The following SPTBN1 variants were observed in gnomAD, a reference collection of about 807,000 sequenced individuals.
SPTBN1 encodes the protein spectrin beta, non-erythrocytic 1.
SPTBN1 carries 32 observed loss-of-function variants against 266.4 expected under a neutral mutation model. That is an observed-to-expected ratio of 0.12 (90% CI 0.09 to 0.16). The LOEUF (loss-of-function observed/expected upper bound fraction) is 0.16, where lower values mean the gene tolerates loss of function less well. SPTBN1 is among the 10% of genes least tolerant of loss of function. SPTBN1 has a pLI of 1.00. For missense variants in SPTBN1, 2,296 were observed against 3,067.1 expected (o/e 0.75, Z 5.94); for synonymous variants, 1,336 against 1,162.2 (o/e 1.15, Z -3.04).
intron 2 of SPTBN1, among the ~76,000 whole-genome samples, chr2:54,556,152 C>T (rs576669834): frequency 6.6e-6 from 1 of 152,360 alleles, no homozygotes; most frequent in African/African-American, 2.4e-5. Flanking sequence ...TTTACCTCCT[C>T]CCCACTTCTG....
intron 1 of SPTBN1, among the ~76,000 whole-genome samples, chr2:54,495,098 C>G (rs1468738135): frequency 1.3e-5 from 2 of 151,978 alleles, no homozygotes; most frequent in Non-Finnish European, 2.9e-5. Context: ...TGAAGACCCC[C>G]TGGAGGAGGT....
In SPTBN1 at chr2:54,645,800, C is replaced by G. The variant is rs1679890195; in HGVS notation, c.4495-128C>G. The G allele has an allele frequency of 1.0e-6, 1 of 976,328 alleles. No homozygotes were observed. The highest frequency in any genetic ancestry group is 1.6e-5 in the African/African-American group (1 of 61,870). The allele number at this position is 976,328 out of a possible 1,614,324, so 60.5% of individuals were successfully genotyped here. Reference sequence around the variant, plus strand: ...AACAAGGGCGTGCTTCCCCAGACAGCCCTCCCGAGGGGGCTGAGCACTCTC... The same window carrying G: ...AACAAGGGCGTGCTTCCCCAGACAGGCCTCCCGAGGGGGCTGAGCACTCTC... On this transcript the variant is annotated intron_variant, in intron 21 of 35. Transcript: ENST00000356805. The surrounding 1 kb of genome is among the most constrained non-coding windows in gnomAD (Gnocchi z 4.3).
At chr2:54,620,043 T>G (rs1264923974) in intron 7 of SPTBN1, among the ~76,000 whole-genome samples, 2 of 152,248 alleles carry the variant, frequency 1.3e-5, no homozygotes, top group African/African-American at 4.8e-5. Flanking sequence ...AGTTGAGTGC[T>G]TACTCAATAT....
chr2:54,627,163 A>G (rs1229208596), intron 12 of SPTBN1, among the ~76,000 whole-genome samples: 2 of 152,188 alleles, frequency 1.3e-5, no homozygotes, highest in African/African-American at 4.8e-5. Context: ...CAGAGGGGCA[A>G]AGTCATCTGA....
intron 2 of SPTBN1, chr2:54,529,805 A>T: frequency 5.2e-6 from 3 of 572,336 alleles, no homozygotes; most frequent in South Asian, 2.8e-5. Flanking sequence ...GGGATCATCC[A>T]AACTGAGTCC....
At chr2:54,509,041 T>A (rs1297036883) in intron 1 of SPTBN1, among the ~76,000 whole-genome samples, 1 of 152,170 alleles carries the variant, frequency 6.6e-6, no homozygotes, top group African/African-American at 2.4e-5. Flanking sequence ...GGCAGTGAGT[T>A]CAGCTTGCTG....
At chr2:54,549,547 C>T (rs1672448845) in intron 2 of SPTBN1, among the ~76,000 whole-genome samples, 1 of 152,156 alleles carries the variant, frequency 6.6e-6, no homozygotes, top group African/African-American at 2.4e-5. Flanking sequence ...GGAGTGTGCC[C>T]TTCACTTCTC....
At chr2:54,548,459 C>T (rs1056474948) in intron 2 of SPTBN1, among the ~76,000 whole-genome samples, 1 of 152,166 alleles carries the variant, frequency 6.6e-6, no homozygotes, top group South Asian at 2.1e-4. Flanking sequence ...TCAGGACAGG[C>T]CTTTTGGCTC....
At chr2:54,588,076 T>C (rs1675406758) in intron 2 of SPTBN1, among the ~76,000 whole-genome samples, 1 of 152,208 alleles carries the variant, frequency 6.6e-6, no homozygotes, top group Non-Finnish European at 1.5e-5. Flanking sequence ...AGTATTATTA[T>C]ATTGAAATGT....
intron 17 of SPTBN1, among the ~76,000 whole-genome samples, chr2:54,637,460 T>A (rs1422452830): frequency 6.6e-6 from 1 of 152,184 alleles, no homozygotes; most frequent in Non-Finnish European, 1.5e-5. Context: ...AGCAACAAAT[T>A]TGTATAGATC....
chr2:54,664,919 CT>C lies in SPTBN1; in HGVS notation c.6659+231del. Reference sequence around the variant, plus strand: ...TTTGGATGGGAGTAGCTAGAAGGGGCTTTAGTAGTTCATCTAGAGAAGGAAT... The same window carrying C: ...TTTGGATGGGAGTAGCTAGAAGGGGCTTAGTAGTTCATCTAGAGAAGGAAT... On this transcript the variant is annotated intron_variant, in intron 33 of 35. Transcript: ENST00000356805. This position sits in a 1 kb window ranked among gnomAD's most constrained non-coding sequence, Gnocchi z 5.6. The C allele has an allele frequency of 3.8e-6, 2 of 526,358 alleles. No homozygotes were observed. Among genetic ancestry groups the C allele is most frequent in the Non-Finnish European group, 6.8e-6 (2 of 294,734 alleles). The allele number at this position is 526,358 out of a possible 1,614,324, so 32.6% of individuals were successfully genotyped here. A position where few individuals can be genotyped will look rare whatever the true frequency, so the allele number is the denominator to read the frequency against.
intron 29 of SPTBN1, 34 bp downstream of exon 29, chr2:54,656,032 G>C (rs1572766516): frequency 6.4e-7 from 1 of 1,550,506 alleles, no homozygotes; most frequent in South Asian, 1.1e-5. Flanking sequence ...GCTCTTTTGG[G>C]TATCAATGGA....
At chr2:54,484,524 A>G (rs2103959205) in intron 1 of SPTBN1, among the ~76,000 whole-genome samples, 2 of 152,346 alleles carry the variant, frequency 1.3e-5, no homozygotes, top group Admixed American at 1.3e-4. Context: ...GAACAGGAAT[A>G]TGGGAAGCTG....
rs908045569 is a variant in SPTBN1 at position 54,592,959 on chromosome 2, C to G, written c.149-6133C>G. ...CTACCTAATAGTTTGCTGTGAAGAT[C>G]TAGTGAGCTTAGAGAAAGTATGAAG... On this transcript the variant is annotated intron_variant, in intron 2 of 35. Coordinates refer to ENST00000356805, the MANE Select transcript of SPTBN1 (RefSeq NM_003128.3). Among the ~76,000 whole-genome samples, 10 of 152,256 alleles carry G rather than the reference C, an allele frequency of 6.6e-5. No homozygotes were observed. In the South Asian group the frequency reaches 1.0e-3, roughly 16 times the overall value.
rs1365569140 is a variant in SPTBN1, at chr2:54,631,739, A to AT, written c.3564+137dup. The AT allele has an allele frequency of 3.0e-3, 3,595 of 1,218,084 alleles. 24 individuals are homozygous for AT. The highest frequency in any genetic ancestry group is 0.025 in the African/African-American group (1,654 of 65,890). 75.5% of individuals were successfully genotyped at this position (1,218,084 alleles called of 1,614,324 possible). On this transcript the variant is annotated intron_variant, in intron 16 of 35. Transcript: ENST00000356805. ...AATTATATGGATAATTTAGAGACTG[A>AT]TTTTTTTTTCCCCATACTCTTAAGG...
intron 2 of SPTBN1, among the ~76,000 whole-genome samples, chr2:54,595,436 G>A (rs929641067): frequency 9.2e-5 from 14 of 152,334 alleles, no homozygotes; most frequent in African/African-American, 3.4e-4. Context: ...GTTTAGCTGC[G>A]TCAGCTTCTT....
Position 54,657,804 on chromosome 2 carries a change from C to T in SPTBN1, c.6047-46C>T, listed in dbSNP as rs201551099. 6.1e-4 allele frequency: 984 copies of T among 1,611,956 alleles called. 7 individuals are homozygous for T. Among genetic ancestry groups the T allele is most frequent in the East Asian group, 2.5e-4 (11 of 44,864 alleles). ...CAAGAGGTAAGGCCATATGACTGCC[C>T]GGCACCTCCTGGTCAACGTGTACTA... On this transcript the variant is annotated intron_variant, in intron 29 of 35. Coordinates refer to ENST00000356805, the MANE Select transcript of SPTBN1 (RefSeq NM_003128.3).
At chr2:54,642,174 G>T (rs565991834) in intron 18 of SPTBN1, among the ~76,000 whole-genome samples, 5 of 152,224 alleles carry the variant, frequency 3.3e-5, no homozygotes, top group African/African-American at 1.2e-4. Flanking sequence ...AGCCAGGGCC[G>T]ATTCGGGATG....
intron 16 of SPTBN1, 138 bp downstream of exon 16, chr2:54,631,749 C>G (rs35619551): frequency 1.8e-6 from 2 of 1,125,244 alleles, no homozygotes; most frequent in Non-Finnish European, 2.5e-6. Context: ...ATTTTTTTTT[C>G]CCCATACTCT....
Sources: allele counts gnomAD v4.1 joint callset (sites outside exome capture counted in the v4.1 genomes callset), GRCh38; gene constraint gnomAD v4.1.1; non-coding constraint Gnocchi (gnomAD v3.1); transcripts MANE v1.5; gene names NCBI Gene and HGNC (gene_info 2026-07-23, HGNC 2026-07-21).